The following ZPR1 variants were observed in gnomAD, a reference collection of about 807,000 sequenced individuals.
The protein encoded by ZPR1 is zinc finger protein ZPR1.
Under a neutral mutation model 59.6 loss-of-function variants are expected in ZPR1, and 37 were observed. The observed-to-expected ratio is 0.62, with a 90% CI of 0.48 to 0.82. The LOEUF is 0.82. ZPR1 is among the 40% of genes least tolerant of loss of function. The pLI, the probability that ZPR1 is intolerant of heterozygous loss-of-function variation, is 0.00. For missense variants in ZPR1, 527 were observed against 579.9 expected (o/e 0.91, Z 0.94); for synonymous variants, 191 against 215.2 (o/e 0.89, Z 0.99).
Position 116,775,659 on chromosome 11 carries a change from A to G in ZPR1, c.*3266T>C. ...AAAAAAAAAAAAAAAAAAAAAAAAA[A>G]AAAGCTCTGCTTCCTTCTGGAAGTA... On this transcript the variant is annotated 3_prime_UTR_variant, in exon 14 of 14. Coordinates refer to ENST00000227322, the MANE Select transcript of ZPR1 (RefSeq NM_003904.5). The G allele has an allele frequency of 6.7e-6, 1 of 148,578 alleles. No individual in the cohort carries two copies. The highest frequency in any genetic ancestry group is 2.9e-5 in the African/African-American group (1 of 34,566). 9.2% of individuals were successfully genotyped at this position (148,578 alleles called of 1,614,324 possible). A position where few individuals can be genotyped will look rare whatever the true frequency, so the allele number is the denominator to read the frequency against.
At position 116,785,126 on chromosome 11, in the gene ZPR1, C is replaced by A; in HGVS notation, c.726G>T (p.Lys242Asn). The A allele has an allele frequency of 1.2e-6, 2 of 1,614,118 alleles. No individual in the cohort carries two copies. Among genetic ancestry groups the A allele is most frequent in the Non-Finnish European group, 1.7e-6 (2 of 1,180,034 alleles). ...CATTTCTGAGATCTTCCTCTTCTGG[C>A]TTCTCTGCTGGTGCTTCTTCCTAAA... ...LGLQEEAPAE[K>N]PEEEDLRNEV... The change falls in exon 7 of 14, where the codon AAG (lysine) becomes AAT (asparagine). Residue 242 changes from lysine (K) to asparagine (N), a missense_variant. Transcript: ENST00000227322.
At position 116,784,464 on chromosome 11, in the gene ZPR1, A is replaced by T. The variant is rs1293541695; in HGVS notation, c.821-16T>A. ...TGAGGGATTTCTGGAAAACGGAGTT[A>T]AGGAAATCTACTTCCAGGCGAACAA... On this transcript the variant is annotated splice_polypyrimidine_tract_variant and intron_variant, in intron 8 of 13. Coordinates refer to ENST00000227322, the MANE Select transcript of ZPR1 (RefSeq NM_003904.5). The T allele has an allele frequency of 6.2e-7, 1 of 1,613,200 alleles. No homozygotes were observed. Among genetic ancestry groups the T allele is most frequent in the South Asian group, 1.1e-5 (1 of 91,058 alleles).
rs201481850 is a variant in ZPR1, at chr11:116,780,100, TAAAA to T, written c.1180-267_1180-264del. On this transcript the variant is annotated intron_variant, in intron 12 of 13. Coordinates refer to ENST00000227322, the MANE Select transcript of ZPR1 (RefSeq NM_003904.5). ...ATAAATGAAAGTAAAGAAAAATTTT[TAAAA>T]AAAGAGGCTATGCCTGCCAGACAAG... 3.3e-3 allele frequency among the ~76,000 whole-genome samples: 491 copies of T among 150,894 alleles called. 2 individuals are homozygous for T. The highest frequency in any genetic ancestry group is 0.01 in the African/African-American group (419 of 41,288).
At chr11:116,785,241 T>C in intron 6 of ZPR1, 95 bp from the exon 7 acceptor site, 1 of 1,398,418 alleles carries the variant, frequency 7.2e-7, no homozygotes, top group Non-Finnish European at 1.0e-6. Flanking sequence ...AGGTGCCACC[T>C]CATCAGTTAT....
chr11:116,787,999 C>T lies in ZPR1; in HGVS notation c.-9G>A. 3.5e-6 allele frequency: 5 copies of T among 1,426,674 alleles called. No homozygotes were observed. The highest frequency in any genetic ancestry group is 5.5e-5 in the East Asian group (2 of 36,284). The allele number at this position is 1,426,674 out of a possible 1,614,324, so 88.4% of individuals were successfully genotyped here. A position where few individuals can be genotyped will look rare whatever the true frequency, so the allele number is the denominator to read the frequency against. ...GCCCCGCTGGCCGCCATGGCCACCA[C>T]GCGCAATTCAGACCTCGGCTTCCTA... On this transcript the variant is annotated 5_prime_UTR_variant, in exon 1 of 14. The change creates a new upstream start codon in the 5' untranslated region. Coordinates refer to ENST00000227322, the MANE Select transcript of ZPR1 (RefSeq NM_003904.5).
At position 116,783,487 on chromosome 11, in the gene ZPR1, T is replaced by C. The variant is rs148381420; in HGVS notation, c.981+43A>G. ...TTCCCCTAGATAGAGACAGTTTATC[T>C]AACTTATGAGGACAACAGTGACTTT... is the stretch of plus-strand genomic sequence containing the variant. On this transcript the variant is annotated intron_variant, in intron 10 of 13. Coordinates refer to ENST00000227322, the MANE Select transcript of ZPR1 (RefSeq NM_003904.5). The C allele has an allele frequency of 5.3e-4, 802 of 1,525,540 alleles. 20 individuals carry two copies. The East Asian group carries it at 0.018, about 34-fold the overall frequency. 94.5% of individuals were successfully genotyped at this position (1,525,540 alleles called of 1,614,324 possible).
In ZPR1 at chr11:116,777,779, C is replaced by A. The variant is rs1034689073; in HGVS notation, c.*1146G>T. ...CCTGCAGTCTGCACCACAGGAGTCA[C>A]CTTTTGTTTATGAGAGGCAGGAGAC... On this transcript the variant is annotated 3_prime_UTR_variant, in exon 14 of 14. Transcript: ENST00000227322. 6.6e-6 allele frequency: 1 copy of A among 152,130 alleles called. No individual in the cohort carries two copies. The highest frequency in any genetic ancestry group is 1.5e-5 in the Non-Finnish European group (1 of 68,046). 9.4% of individuals were successfully genotyped at this position (152,130 alleles called of 1,614,324 possible). A position where few individuals can be genotyped will look rare whatever the true frequency, so the allele number is the denominator to read the frequency against.
chr11:116,779,922 C>T lies in ZPR1; in HGVS notation c.1180-85G>A, dbSNP rs113932726. On this transcript the variant is annotated intron_variant, in intron 12 of 13. Coordinates refer to ENST00000227322, the MANE Select transcript of ZPR1 (RefSeq NM_003904.5). The stretch of plus-strand genomic sequence containing the variant: ...ATGTCGGGGGAGGGGGGAGGGATAG[C>T]ATTAGGAGATATACCTAATGTAAAT... 4.6e-3 allele frequency: 3,283 copies of T among 714,552 alleles called. 75 individuals are homozygous for T. The highest frequency in any genetic ancestry group is 0.036 in the East Asian group (1,093 of 30,508). 44.3% of individuals were successfully genotyped at this position (714,552 alleles called of 1,614,324 possible).
chr11:116,784,693 T>C (rs974466413), intron 8 of ZPR1, among the ~76,000 whole-genome samples, 162 bp downstream of exon 8: 1 of 152,208 alleles, frequency 6.6e-6, no homozygotes, highest in Non-Finnish European at 1.5e-5. Flanking sequence ...TAATTTTCTC[T>C]TTGAACACAA....
chr11:116,784,661 A>G (rs1010389852), intron 8 of ZPR1, among the ~76,000 whole-genome samples, 194 bp downstream of exon 8: 10 of 152,176 alleles, frequency 6.6e-5, no homozygotes, highest in African/African-American at 1.9e-4. Flanking sequence ...GGTCACACAC[A>G]CACAGCCTAG....
chr11:116,782,157 C>G lies in ZPR1; in HGVS notation c.1179+1G>C. The G allele has an allele frequency of 6.2e-7, 1 of 1,613,768 alleles. No homozygotes were observed. Among genetic ancestry groups the G allele is most frequent in the Non-Finnish European group, 8.5e-7 (1 of 1,179,718 alleles). Reference sequence around the variant, plus strand: ...GTACTGACTGGCCAGTGACCTCTTACCTGGTCCATCTTCTGGCTAAACTCC... The same window carrying G: ...GTACTGACTGGCCAGTGACCTCTTAGCTGGTCCATCTTCTGGCTAAACTCC... On this transcript the variant is annotated splice_donor_variant, in intron 12 of 13. Transcript: ENST00000227322. LOFTEE classifies it high-confidence loss of function.
rs371421060 is a variant in ZPR1, at chr11:116,787,527, G to C, written c.288C>G (p.Ile96Met). Residue 96 changes from isoleucine (I) to methionine (M), a missense_variant, in exon 2 of 14, where the codon ATC becomes ATG. Ile to Met is a conservative substitution (Grantham distance 10). Coordinates refer to ENST00000227322, the MANE Select transcript of ZPR1 (RefSeq NM_003904.5). ...AAGTGTAGCGCACTCCCTGGTCCTG[G>C]ATCCTGCCTGCCGACTGGATCTCCG... ...NNTEIQSAGRIQDQGVRYTLS... is the reference protein window; with the variant it reads ...NNTEIQSAGRMQDQGVRYTLS... 30 of 1,614,182 alleles carry C rather than the reference G, an allele frequency of 1.9e-5. No individual in the cohort carries two copies. Among genetic ancestry groups the C allele is most frequent in the Non-Finnish European group, 2.5e-5 (29 of 1,180,034 alleles).
rs1275513190 is a variant in ZPR1, at chr11:116,784,396, A to G, written c.873T>C (p.Cys291=). Residue 291 remains cysteine (C), a synonymous_variant, in exon 9 of 14, where the codon TGT becomes TGC. Transcript: ENST00000227322. ...CACCCACCTCATTGGTCCGATGCCC[A>G]CAGTTCTCGCAGTTGGTAGCCATGA... ...VIIMATNCEN[C]GHRTNEVKSG... 2.0e-5 allele frequency: 33 copies of G among 1,614,044 alleles called. No individual in the cohort carries two copies. The highest frequency in any genetic ancestry group is 2.7e-5 in the Non-Finnish European group (32 of 1,180,028).
chr11:116,777,599 G>C lies in ZPR1; in HGVS notation c.*1326C>G, dbSNP rs929930074. On this transcript the variant is annotated 3_prime_UTR_variant, in exon 14 of 14. Transcript: ENST00000227322. Reference sequence around the variant, plus strand: ...TGCTTAAACCCGGGAGGCAAAGGTTGCAATAAGCCAAGATCACACCACTGC... The same window carrying C: ...TGCTTAAACCCGGGAGGCAAAGGTTCCAATAAGCCAAGATCACACCACTGC... 2 of 149,242 alleles carry C rather than the reference G, an allele frequency of 1.3e-5. No homozygotes were observed. The highest frequency in any genetic ancestry group is 5.0e-5 in the African/African-American group (2 of 40,384). 9.2% of individuals were successfully genotyped at this position (149,242 alleles called of 1,614,324 possible).
rs374020403 is a variant in ZPR1, at chr11:116,785,117, C to G, written c.735G>C (p.Glu245Asp). ...QEEAPAEKPE[E>D]EDLRNEVLQF... is the part of the protein sequence containing the mutation. Reference sequence around the variant, plus strand: ...GACTCACTTCATTTCTGAGATCTTCCTCTTCTGGCTTCTCTGCTGGTGCTT... The same window carrying G: ...GACTCACTTCATTTCTGAGATCTTCGTCTTCTGGCTTCTCTGCTGGTGCTT... Residue 245 changes from glutamate to aspartate, a missense_variant, in exon 7 of 14, where the codon GAG becomes GAC. By Grantham distance (45) the Glu-to-Asp change is conservative. Coordinates refer to ENST00000227322, the MANE Select transcript of ZPR1 (RefSeq NM_003904.5). 4 of 1,614,018 alleles carry G rather than the reference C, an allele frequency of 2.5e-6. No individual in the cohort carries two copies. In the African/African-American group the frequency reaches 5.3e-5, roughly 22 times the overall value.
In ZPR1 at chr11:116,783,048, G is replaced by A. The variant is rs746765838; in HGVS notation, c.982-19C>T. 1.5e-5 allele frequency: 24 copies of A among 1,601,430 alleles called. No homozygotes were observed. In the East Asian group the frequency reaches 4.9e-4, roughly 33 times the overall value. On this transcript the variant is annotated intron_variant, in intron 10 of 13. Coordinates refer to ENST00000227322, the MANE Select transcript of ZPR1 (RefSeq NM_003904.5). ...TCTCAGACTGTGAAATGAGAGGTCA[G>A]TTTAAGCTTTAAGTCAGAAGCAAAG... is the stretch of plus-strand genomic sequence containing the variant.
At position 116,788,013 on chromosome 11, in the gene ZPR1, C is replaced by T. The variant is rs775645293; in HGVS notation, c.-23G>A. 6 of 1,415,560 alleles carry T rather than the reference C, an allele frequency of 4.2e-6. No homozygotes were observed. Among genetic ancestry groups the T allele is most frequent in the Admixed American group, 3.1e-5 (1 of 32,150 alleles). 87.7% of individuals were successfully genotyped at this position (1,415,560 alleles called of 1,614,324 possible). ...CATGGCCACCACGCGCAATTCAGACCTCGGCTTCCTACTTCCGCCGCTCTC... is the reference window on the plus strand; with the variant it reads ...CATGGCCACCACGCGCAATTCAGACTTCGGCTTCCTACTTCCGCCGCTCTC... On this transcript the variant is annotated 5_prime_UTR_variant, in exon 1 of 14. Coordinates refer to ENST00000227322, the MANE Select transcript of ZPR1 (RefSeq NM_003904.5).
At position 116,776,307 on chromosome 11, in the gene ZPR1, G is replaced by T. The variant is rs909981882; in HGVS notation, c.*2618C>A. ...GTGAAACTGAATCCACATGTTCCTGGCACTTTGACTCACCTACCCTGGCCT... is the reference window on the plus strand; with the variant it reads ...GTGAAACTGAATCCACATGTTCCTGTCACTTTGACTCACCTACCCTGGCCT... On this transcript the variant is annotated 3_prime_UTR_variant, in exon 14 of 14. Transcript: ENST00000227322. 6.6e-6 allele frequency: 1 copy of T among 152,146 alleles called. No individual in the cohort carries two copies. The highest frequency in any genetic ancestry group is 1.5e-5 in the Non-Finnish European group (1 of 68,044). The allele number at this position is 152,146 out of a possible 1,614,324, so 9.4% of individuals were successfully genotyped here. A position where few individuals can be genotyped will look rare whatever the true frequency, so the allele number is the denominator to read the frequency against.
Position 116,777,304 on chromosome 11 carries a change from T to G in ZPR1, c.*1621A>C, listed in dbSNP as rs1025471593. 2.6e-5 allele frequency: 4 copies of G among 152,254 alleles called. No individual in the cohort carries two copies. Among genetic ancestry groups the G allele is most frequent in the African/African-American group, 9.6e-5 (4 of 41,468 alleles). 9.4% of individuals were successfully genotyped at this position (152,254 alleles called of 1,614,324 possible). On this transcript the variant is annotated 3_prime_UTR_variant, in exon 14 of 14. Coordinates refer to ENST00000227322, the MANE Select transcript of ZPR1 (RefSeq NM_003904.5). ...TCACTTGTGACCTTTGAGAGTAGTT[T>G]AACAGAGCAACGAGAGTAGATGTCT...
Sources: gnomAD v4.1 joint callset for allele counts (sites outside exome capture counted in the v4.1 genomes callset) on GRCh38, gnomAD v4.1.1 for gene constraint, MANE v1.5 for transcripts, NCBI Gene and HGNC (gene_info 2026-07-23, HGNC 2026-07-21) for gene names.